XYLT1: variants seen among roughly 807,000 people sequenced by gnomAD.
XYLT1 encodes the protein xylosyltransferase 1, also known as beta-D-xylosyltransferase 1.
In XYLT1, 36 loss-of-function variants were observed where a neutral mutation model predicts 91.3. The ratio of observed to expected loss-of-function variants is 0.39; its 90% confidence interval spans 0.30 to 0.52. The LOEUF is 0.52. XYLT1 is among the 20% of genes least tolerant of loss of function. XYLT1 has a pLI of 0.68. For synonymous variants in XYLT1, 588 were observed against 532.0 expected, an observed-to-expected ratio of 1.11 and a Z score of -1.45; for missense variants, 1,242 against 1,284.5, an observed-to-expected ratio of 0.97 and a Z score of 0.51.
At chr16:17,111,279 CA>C (rs1966840275) in intron 11 of XYLT1, among the ~76,000 whole-genome samples, 1 of 152,160 alleles carries the variant, frequency 6.6e-6, no homozygotes, top group Non-Finnish European at 1.5e-5. Flanking sequence ...GGAAGTATAG[CA>C]ATTTGGGGTG....
At chr16:17,140,940 C>A (rs1014322660) in intron 7 of XYLT1, among the ~76,000 whole-genome samples, 3 of 151,448 alleles carry the variant, frequency 2.0e-5, no homozygotes, top group Non-Finnish European at 4.4e-5. Flanking sequence ...ACTGTGTGGA[C>A]TGCCGGTGGT....
In XYLT1 at chr16:17,117,722, G is replaced by T. The variant is rs758501855; in HGVS notation, c.2481C>A (p.His827Gln). Residue 827 changes from histidine to glutamine, a missense_variant, in exon 11 of 12, where the codon CAC becomes CAA. Coordinates refer to ENST00000261381, the MANE Select transcript of XYLT1 (RefSeq NM_022166.4). ...TGGTCTCTGCAACTGGCACCCAGTG[G>T]TGGAGAATTTTCACTGTCCAGACCC... ...RPGVWTVKILHHWVPVAETKF... is the reference protein window; with the variant it reads ...RPGVWTVKILQHWVPVAETKF... 4 of 1,614,098 alleles carry T rather than the reference G, an allele frequency of 2.5e-6. No individual in the cohort carries two copies. Among genetic ancestry groups the T allele is most frequent in the Non-Finnish European group, 3.4e-6 (4 of 1,180,040 alleles).
At chr16:17,166,291 C>T (rs1487369801) in intron 5 of XYLT1, among the ~76,000 whole-genome samples, 2 of 152,212 alleles carry the variant, frequency 1.3e-5, no homozygotes, top group African/African-American at 2.4e-5. Flanking sequence ...GGCAGCACCT[C>T]GGACAGTGCT....
intron 6 of XYLT1, among the ~76,000 whole-genome samples, chr16:17,157,188 T>G (rs1444217403): frequency 1.3e-5 from 2 of 152,054 alleles, no homozygotes; most frequent in Admixed American, 1.3e-4. Flanking sequence ...CCTCAGGTGA[T>G]CCGCCTGCCT....
intron 2 of XYLT1, among the ~76,000 whole-genome samples, chr16:17,296,828 G>C (rs1447595174): frequency 6.6e-6 from 1 of 152,184 alleles, no homozygotes; most frequent in African/African-American, 2.4e-5. Flanking sequence ...ATGTTCTCCA[G>C]ACTGACACAA....
chr16:17,311,736 T>C (rs1316086983), intron 2 of XYLT1, among the ~76,000 whole-genome samples: 1 of 150,282 alleles, frequency 6.7e-6, no homozygotes, highest in Non-Finnish European at 1.5e-5. Context: ...GACTGGGTAA[T>C]TTATTAAGAA....
intron 1 of XYLT1, among the ~76,000 whole-genome samples, chr16:17,405,429 T>C (rs1171647551): frequency 2.6e-5 from 4 of 152,148 alleles, no homozygotes; most frequent in African/African-American, 9.7e-5. Flanking sequence ...TGACTTTCCA[T>C]TCGCCACACA....
chr16:17,438,201 C>T (rs778429331), intron 1 of XYLT1, among the ~76,000 whole-genome samples: 3 of 152,156 alleles, frequency 2.0e-5, no homozygotes, highest in Admixed American at 6.5e-5. Flanking sequence ...ATCTGTGAGA[C>T]GAACCTAATC....
intron 1 of XYLT1, among the ~76,000 whole-genome samples, chr16:17,359,574 G>T (rs1337434059): frequency 6.6e-6 from 1 of 152,154 alleles, no homozygotes; most frequent in Non-Finnish European, 1.5e-5. Context: ...CTCCATTGGT[G>T]TAACTGAAAG....
Position 17,357,124 on chromosome 16 carries a change from C to A in XYLT1, c.402+888G>T, listed in dbSNP as rs1367547125. 3.7e-5 allele frequency among the ~76,000 whole-genome samples: 5 copies of A among 136,272 alleles called. No homozygotes were observed. The Admixed American group carries it at 4.1e-4, about 11-fold the overall frequency. The allele number at this position is 136,272 out of a possible 152,430, so 89.4% of individuals were successfully genotyped here. ...CCCGGGAGGCAGAGCTTGCAGTAAG[C>A]CGAGATCATGCCACTGCACTCCAGC... On this transcript the variant is annotated intron_variant, in intron 2 of 11. Transcript: ENST00000261381.
chr16:17,154,536 T>C (rs1025668144), intron 6 of XYLT1, among the ~76,000 whole-genome samples: 1 of 152,214 alleles, frequency 6.6e-6, no homozygotes, highest in Non-Finnish European at 1.5e-5. Context: ...TGTTTCCAAA[T>C]ACCTGATTAT....
intron 5 of XYLT1, among the ~76,000 whole-genome samples, chr16:17,186,606 C>G (rs559854061): frequency 1.3e-5 from 2 of 151,788 alleles, no homozygotes; most frequent in South Asian, 2.1e-4. Context: ...CTGCTGAACT[C>G]TGAATTTCTG....
chr16:17,419,374 T>C (rs953817629), intron 1 of XYLT1, among the ~76,000 whole-genome samples: 3 of 152,092 alleles, frequency 2.0e-5, no homozygotes, highest in Non-Finnish European at 4.4e-5. Flanking sequence ...AGACTGCTCT[T>C]ATGTCATTAC....
In XYLT1 at chr16:17,138,470, A is replaced by T; in HGVS notation, c.1649T>A (p.Leu550Gln). The change falls in exon 8 of 12, where the codon CTG (leucine) becomes CAG (glutamine). Residue 550 changes from leucine (L) to glutamine (Q), a missense_variant. Leu to Gln is a moderately radical substitution (Grantham distance 113). Transcript: ENST00000261381. ...CTTGCGATTCCAGTTGGTGATGCGCAGGTTGTTGTCCACCATGGTGTCGCA... is the reference window on the plus strand; with the variant it reads ...CTTGCGATTCCAGTTGGTGATGCGCTGGTTGTTGTCCACCATGGTGTCGCA... ...PHCDTMVDNN[L>Q]RITNWNRKLG... is the part of the protein sequence containing the mutation. The T allele has an allele frequency of 6.2e-7, 1 of 1,614,146 alleles. No homozygotes were observed. The highest frequency in any genetic ancestry group is 1.7e-4 in the Middle Eastern group (1 of 6,060).
chr16:17,389,858 G>T (rs977704179), intron 1 of XYLT1, among the ~76,000 whole-genome samples: 1 of 152,068 alleles, frequency 6.6e-6, no homozygotes, highest in South Asian at 2.1e-4. Flanking sequence ...TAAATTTACC[G>T]ACAGCTTAAG....
chr16:17,365,961 G>C (rs541318837), intron 1 of XYLT1, among the ~76,000 whole-genome samples: 4 of 151,972 alleles, frequency 2.6e-5, no homozygotes, highest in African/African-American at 7.2e-5. Context: ...GAATTACAAG[G>C]TTTTGAAGAA....
intron 1 of XYLT1, among the ~76,000 whole-genome samples, chr16:17,434,873 A>G (rs75124013): frequency 1.5e-5 from 2 of 133,080 alleles, no homozygotes; most frequent in East Asian, 2.0e-4. Flanking sequence ...GTCTCTAAGA[A>G]AAAAAAAAAA....
At chr16:17,276,657 G>A (rs2033981000) in intron 2 of XYLT1, among the ~76,000 whole-genome samples, 1 of 152,164 alleles carries the variant, frequency 6.6e-6, no homozygotes, top group East Asian at 1.9e-4. Context: ...TTCTCCAACT[G>A]TTCAGAGCAA....
chr16:17,245,967 G>A (rs2033429493), intron 3 of XYLT1, among the ~76,000 whole-genome samples: 1 of 152,212 alleles, frequency 6.6e-6, no homozygotes, highest in Non-Finnish European at 1.5e-5. Flanking sequence ...TGAATTATCT[G>A]ACTGTGTGGG....
Sources: gnomAD v4.1 joint callset for allele counts (sites outside exome capture counted in the v4.1 genomes callset) on GRCh38, gnomAD v4.1.1 for gene constraint, MANE v1.5 for transcripts, NCBI Gene and HGNC (gene_info 2026-07-23, HGNC 2026-07-21) for gene names.